The following LRRC75A variants were observed in gnomAD, a reference collection of about 807,000 sequenced individuals.
The protein encoded by LRRC75A is leucine rich repeat containing 75A, also known as leucine-rich repeat-containing protein 75A.
In LRRC75A, 12 loss-of-function variants were observed where a neutral mutation model predicts 26.0. The ratio of observed to expected loss-of-function variants is 0.46; its 90% CI spans 0.30 to 0.75. The LOEUF is 0.75. Ranked by LOEUF, LRRC75A falls within the 30% of genes least tolerant of loss-of-function variation. The pLI, the probability that LRRC75A is intolerant of heterozygous loss-of-function variation, is 0.08. For missense variants in LRRC75A, 410 were observed against 486.6 expected (o/e 0.84, Z 1.48); for synonymous variants, 223 against 219.3 (o/e 1.02, Z -0.15).
rs552922886 is a variant in LRRC75A, at chr17:16,474,127, T to A, written c.247-11741A>T. On this transcript the variant is annotated intron_variant, in intron 1 of 3. Coordinates refer to ENST00000470794, the MANE Select transcript of LRRC75A (RefSeq NM_001113567.3). Reference sequence around the variant, plus strand: ...GCATCAAGCCATATGAAGGGTTTTGTCTGCTCCTCCATGGTCATGGCTCTG... The same window carrying A: ...GCATCAAGCCATATGAAGGGTTTTGACTGCTCCTCCATGGTCATGGCTCTG... 1.3e-4 allele frequency among the ~76,000 whole-genome samples: 20 copies of A among 152,260 alleles called. No homozygotes were observed. The South Asian group carries it at 4.1e-3, about 32-fold the overall frequency.
chr17:16,488,044 G>A (rs908389172), intron 1 of LRRC75A, among the ~76,000 whole-genome samples: 5 of 152,222 alleles, frequency 3.3e-5, no homozygotes, highest in East Asian at 1.9e-4. Context: ...GACGCAGGCC[G>A]ACAGCTCAGT....
At chr17:16,481,715 T>C (rs937024456) in intron 1 of LRRC75A, among the ~76,000 whole-genome samples, 40 of 152,204 alleles carry the variant, frequency 2.6e-4, no homozygotes, top group African/African-American at 9.4e-4. Flanking sequence ...CCCCGAGCCC[T>C]GTCTGTGCTT....
chr17:16,444,001 C>T lies in LRRC75A; in HGVS notation c.622G>A (p.Glu208Lys). 6.2e-7 allele frequency: 1 copy of T among 1,613,906 alleles called. No homozygotes were observed. The highest frequency in any genetic ancestry group is 1.1e-5 in the South Asian group (1 of 91,074). The part of the protein sequence containing the change: ...QRCGEQVDSV[E>K]LGFTGLTDDM... ...TCCGTGAGGCCTGTGAAGCCCAGCT[C>T]CACGCTGTCTACCTGCTCCCCACAG... Residue 208 changes from glutamate to lysine, a missense_variant, in exon 4 of 4, where the codon GAG (glutamate) becomes AAG (lysine). Transcript: ENST00000470794.
At chr17:16,456,106 G>A (rs1478373500) in intron 2 of LRRC75A, among the ~76,000 whole-genome samples, 1 of 145,294 alleles carries the variant, frequency 6.9e-6, no homozygotes, top group Non-Finnish European at 1.5e-5. Flanking sequence ...AAGGGGAGGG[G>A]GAGGAGGAGG....
chr17:16,446,521 A>T (rs1231233748), intron 3 of LRRC75A, among the ~76,000 whole-genome samples: 1 of 152,182 alleles, frequency 6.6e-6, no homozygotes, highest in Non-Finnish European at 1.5e-5. Context: ...GTGAACCAGC[A>T]GGAAGGCCAG....
intron 1 of LRRC75A, among the ~76,000 whole-genome samples, chr17:16,469,863 G>C (rs748195729): frequency 7.2e-5 from 11 of 152,196 alleles, no homozygotes; most frequent in Non-Finnish European, 1.2e-4. Flanking sequence ...AGGATGAAGG[G>C]AGAGGGGAGT....
rs1330785188 is a variant in LRRC75A, at chr17:16,443,699, C to T, written c.924G>A (p.Gly308=). The change falls in exon 4 of 4, where the codon GGG becomes GGA. Residue 308 remains glycine, a synonymous_variant. Coordinates refer to ENST00000470794, the MANE Select transcript of LRRC75A (RefSeq NM_001113567.3). The part of the protein sequence containing the change: ...ILELGEGPGS[G]EEVREGTVGQ... ...CTACTGTCCCTTCCCGGACCTCCTC[C>T]CCACTGCCTGGGCCCTCACCCAGCT... 6.2e-7 allele frequency: 1 copy of T among 1,611,378 alleles called. No homozygotes were observed. The highest frequency in any genetic ancestry group is 1.3e-5 in the African/African-American group (1 of 74,952).
Position 16,454,156 on chromosome 17 carries a change from C to G in LRRC75A, c.376-6196G>C, listed in dbSNP as rs187878905. On this transcript the variant is annotated intron_variant, in intron 2 of 3. Coordinates refer to ENST00000470794, the MANE Select transcript of LRRC75A (RefSeq NM_001113567.3). Reference sequence around the variant, plus strand: ...CTGTAATCCCAGCACTTTGGGAGGCCGAGGTGGGTGGATCACCTGAGGTCA... The same window carrying G: ...CTGTAATCCCAGCACTTTGGGAGGCGGAGGTGGGTGGATCACCTGAGGTCA... Among the ~76,000 whole-genome samples, 384 of 149,010 alleles carry G rather than the reference C, an allele frequency of 2.6e-3. 1 individual carries two copies. The highest frequency in any genetic ancestry group is 0.011 in the South Asian group (52 of 4,656).
At chr17:16,453,297 AACACACACACACACGC>A (rs778689058) in intron 2 of LRRC75A, among the ~76,000 whole-genome samples, 1 of 108,748 alleles carries the variant, frequency 9.2e-6, no homozygotes, top group African/African-American at 2.7e-5. Flanking sequence ...GGGACTCCTA[AACACACACACACACGC>A]ACACACGCAC....
intron 1 of LRRC75A, chr17:16,478,731 GT>G (rs1295549537): frequency 6.6e-6 from 1 of 152,208 alleles, no homozygotes; most frequent in African/African-American, 2.4e-5. Flanking sequence ...ACCCCTCTGA[GT>G]TCCTGCTGGT....
Position 16,487,792 on chromosome 17 carries a change from C to A in LRRC75A, c.246+3953G>T, listed in dbSNP as rs989954881. Among the ~76,000 whole-genome samples, 7 of 152,308 alleles carry A rather than the reference C, an allele frequency of 4.6e-5. No individual in the cohort carries two copies. In the South Asian group the frequency reaches 1.4e-3, roughly 32 times the overall value. On this transcript the variant is annotated intron_variant, in intron 1 of 3. Transcript: ENST00000470794. Reference sequence around the variant, plus strand: ...TCCTGTTCCCAGGTGCAGAGTGAAGCCAGCCTCACCACCCCAGACAGCAGC... The same window carrying A: ...TCCTGTTCCCAGGTGCAGAGTGAAGACAGCCTCACCACCCCAGACAGCAGC...
intron 2 of LRRC75A, among the ~76,000 whole-genome samples, chr17:16,453,780 T>C (rs1191889134): frequency 8.2e-6 from 1 of 122,412 alleles, no homozygotes; most frequent in Admixed American, 8.3e-5. Context: ...TTTCTGCCCT[T>C]CTGCTGCCCT....
intron 1 of LRRC75A, among the ~76,000 whole-genome samples, chr17:16,485,346 G>C (rs1183459874): frequency 6.6e-6 from 1 of 152,134 alleles, no homozygotes; most frequent in African/African-American, 2.4e-5. Context: ...TCAGTCATAA[G>C]GCTAAAGCCC....
At chr17:16,460,088 C>T (rs1210720643) in intron 2 of LRRC75A, among the ~76,000 whole-genome samples, 2 of 152,098 alleles carry the variant, frequency 1.3e-5, no homozygotes, top group East Asian at 3.9e-4. Context: ...GGGGGTGGAG[C>T]TCTCACAATG....
At chr17:16,474,431 C>T (rs764852619) in intron 1 of LRRC75A, among the ~76,000 whole-genome samples, 1 of 152,178 alleles carries the variant, frequency 6.6e-6, no homozygotes, top group Non-Finnish European at 1.5e-5. Flanking sequence ...TGCAGTATTT[C>T]CCAGATTTAT....
Sources: allele counts gnomAD v4.1 joint callset (sites outside exome capture counted in the v4.1 genomes callset), GRCh38; gene constraint gnomAD v4.1.1; transcripts MANE v1.5; gene names NCBI Gene and HGNC (gene_info 2026-07-23, HGNC 2026-07-21).